The following LAMC1 variants were observed in gnomAD, a reference collection of about 807,000 sequenced individuals.
LAMC1 encodes the protein laminin subunit gamma 1, also known as laminin subunit gamma-1.
LAMC1 carries 38 observed loss-of-function variants against 173.6 expected under a neutral mutation model. The ratio of observed to expected loss-of-function variants is 0.22; its 90% CI spans 0.17 to 0.29. LAMC1 has a LOEUF of 0.29. Among genes scored for constraint, LAMC1 ranks in the 10% least tolerant of loss-of-function variants. The pLI is 1.00. For synonymous variants in LAMC1, 746 were observed against 749.1 expected (o/e 1.00, Z 0.07); for missense variants, 1,824 against 2,051.8 (o/e 0.89, Z 2.14).
chr1:183,066,519 A>G (rs1362381285), intron 1 of LAMC1, among the ~76,000 whole-genome samples: 1 of 152,278 alleles, frequency 6.6e-6, no homozygotes, highest in Non-Finnish European at 1.5e-5. Flanking sequence ...CGTTTATTGC[A>G]GCACTGTTCA....
chr1:183,129,856 A>T (rs947440173), intron 18 of LAMC1, among the ~76,000 whole-genome samples: 1 of 152,206 alleles, frequency 6.6e-6, no homozygotes, highest in African/African-American at 2.4e-5. Context: ...GTGGCAAAAG[A>T]GTCTATTTAG....
At position 183,117,622 on chromosome 1, in the gene LAMC1, A is replaced by T. The variant is rs2296292; in HGVS notation, c.1776A>T (p.Ala592=). 2.1e-5 allele frequency: 34 copies of T among 1,613,830 alleles called. No individual in the cohort carries two copies. The highest frequency in any genetic ancestry group is 2.5e-5 in the Non-Finnish European group (30 of 1,180,000). The part of the protein sequence containing the change: ...RVDRRDTRLS[A]EDLVLEGAGL... ...ACAGGCGAGATACTCGCCTCTCTGC[A>T]GAAGACCTTGTGCTTGAGGGAGCTG... is the stretch of plus-strand genomic sequence containing the variant. The change falls in exon 10 of 28, where the codon GCA becomes GCT. Residue 592 remains alanine (A), a synonymous_variant. Coordinates refer to ENST00000258341, the MANE Select transcript of LAMC1 (RefSeq NM_002293.4).
intron 1 of LAMC1, among the ~76,000 whole-genome samples, chr1:183,065,683 A>G (rs1259599440): frequency 2.0e-5 from 3 of 152,216 alleles, no homozygotes; most frequent in Non-Finnish European, 4.4e-5. Context: ...TGTCACGTGT[A>G]TATTTTTGAT....
At chr1:183,090,235 T>G (rs1212236169) in intron 1 of LAMC1, among the ~76,000 whole-genome samples, 1 of 151,916 alleles carries the variant, frequency 6.6e-6, no homozygotes, top group Non-Finnish European at 1.5e-5. Context: ...TTAACAGTCA[T>G]TAGAAAAAAA....
intron 1 of LAMC1, among the ~76,000 whole-genome samples, chr1:183,062,739 G>C (rs1654772841): frequency 6.6e-6 from 1 of 152,136 alleles, no homozygotes; most frequent in African/African-American, 2.4e-5. Context: ...ATCATTTGAG[G>C]CCAGGAGTTT....
chr1:183,078,409 G>A (rs993521022), intron 1 of LAMC1, among the ~76,000 whole-genome samples: 13 of 151,750 alleles, frequency 8.6e-5, no homozygotes, highest in East Asian at 3.9e-4. Flanking sequence ...GTGAAACCTC[G>A]TCTCTACTAA....
intron 1 of LAMC1, among the ~76,000 whole-genome samples, chr1:183,070,797 A>G (rs1003474884): frequency 2.0e-5 from 3 of 152,002 alleles, no homozygotes; most frequent in Admixed American, 6.6e-5. Flanking sequence ...TCTTCTGTTG[A>G]TATGGAAAGA....
At chr1:183,081,367 G>A (rs1655271062) in intron 1 of LAMC1, among the ~76,000 whole-genome samples, 1 of 151,626 alleles carries the variant, frequency 6.6e-6, no homozygotes, top group African/African-American at 2.4e-5. Context: ...GGAGGCTGAG[G>A]CAGACGGATC....
chr1:183,056,535 A>G (rs550460596), intron 1 of LAMC1, among the ~76,000 whole-genome samples: 1 of 150,666 alleles, frequency 6.6e-6, no homozygotes, highest in South Asian at 2.1e-4. Flanking sequence ...TCCTCCCCCC[A>G]TCCCCCCGTT....
rs199548614 is a variant in LAMC1, at chr1:183,142,824, CAG to C, written c.*35_*36del. ...GGGCTGGAAGGCAGCATCCCTCTGA[CAG>C]GGGGGCAGTTGTGAGGCCACAGAGT... On this transcript the variant is annotated 3_prime_UTR_variant, in exon 28 of 28. Transcript: ENST00000258341. 18,441 of 1,573,242 alleles carry C rather than the reference CAG, an allele frequency of 0.012. 338 individuals carry two copies. Among genetic ancestry groups the C allele is most frequent in the South Asian group, 0.067 (5,530 of 82,336 alleles).
At chr1:183,120,239 A>G (rs1320044587) in intron 11 of LAMC1, among the ~76,000 whole-genome samples, 1 of 151,632 alleles carries the variant, frequency 6.6e-6, no homozygotes, top group Non-Finnish European at 1.5e-5. Context: ...TTTAAGAAGT[A>G]ATTTGAAGTT....
intron 22 of LAMC1, among the ~76,000 whole-genome samples, 167 bp downstream of exon 22, chr1:183,133,717 T>C (rs1394409293): frequency 6.6e-6 from 1 of 152,164 alleles, no homozygotes; most frequent in East Asian, 1.9e-4. Context: ...ATGTGGTGGC[T>C]CATGCCTGTA....
intron 1 of LAMC1, among the ~76,000 whole-genome samples, chr1:183,073,293 A>G (rs969043241): frequency 3.9e-5 from 6 of 152,346 alleles, no homozygotes; most frequent in African/African-American, 1.2e-4. Flanking sequence ...CAAAATAGGT[A>G]GGGATTTCTG....
chr1:183,048,884 G>A (rs922128163), intron 1 of LAMC1, among the ~76,000 whole-genome samples: 4 of 152,066 alleles, frequency 2.6e-5, no homozygotes, highest in Non-Finnish European at 5.9e-5. Flanking sequence ...AAGCCCTCTC[G>A]AAAATACCAG....
At chr1:183,056,167 C>T (rs1024898143) in intron 1 of LAMC1, among the ~76,000 whole-genome samples, 12 of 152,328 alleles carry the variant, frequency 7.9e-5, no homozygotes, top group African/African-American at 2.2e-4. Flanking sequence ...TCAGGCCAGC[C>T]ATGCTTCAGC....
At chr1:183,126,334 C>T in intron 16 of LAMC1, 72 bp downstream of exon 16, 1 of 1,528,368 alleles carries the variant, frequency 6.5e-7, no homozygotes, top group East Asian at 2.3e-5. Flanking sequence ...CCAGAAAGGA[C>T]TTTGACAGCC....
chr1:183,086,563 A>C (rs1000837106), intron 1 of LAMC1, among the ~76,000 whole-genome samples: 4 of 151,746 alleles, frequency 2.6e-5, no homozygotes, highest in African/African-American at 7.3e-5. Flanking sequence ...TTTTGTAGAC[A>C]CAGAAATCAA....
chr1:183,071,304 A>G (rs1655006204), intron 1 of LAMC1, among the ~76,000 whole-genome samples: 3 of 152,240 alleles, frequency 2.0e-5, no homozygotes, highest in Middle Eastern at 3.4e-3. Flanking sequence ...TGTGTTCTGT[A>G]GCTATTACCC....
intron 3 of LAMC1, 72 bp downstream of exon 3, chr1:183,108,478 T>C (rs1283964800): frequency 5.7e-6 from 8 of 1,391,838 alleles, no homozygotes; most frequent in Non-Finnish European, 8.0e-6. Context: ...GCAACTTGTT[T>C]ACAACTATGT....
Sources: allele counts gnomAD v4.1 joint callset (sites outside exome capture counted in the v4.1 genomes callset), GRCh38; gene constraint gnomAD v4.1.1; transcripts MANE v1.5; gene names NCBI Gene and HGNC (gene_info 2026-07-23, HGNC 2026-07-21).